The following MAPRE3 variants were observed in gnomAD, a reference collection of about 807,000 sequenced individuals.
MAPRE3 encodes microtubule-associated protein RP/EB family member 3.
Under a neutral mutation model 30.5 loss-of-function variants are expected in MAPRE3, and 2 were observed. The observed-to-expected ratio is 0.07, with a 90% CI of 0.03 to 0.21. MAPRE3 has a LOEUF of 0.21. Ranked by LOEUF, MAPRE3 falls within the 10% of genes least tolerant of loss-of-function variation. The pLI is 1.00. For synonymous variants in MAPRE3, 110 were observed against 127.7 expected (o/e 0.86, Z 0.93); for missense variants, 204 against 351.8 (o/e 0.58, Z 3.36).
chr2:27,024,257 T>C lies in MAPRE3; in HGVS notation c.429T>C (p.Asp143=). The part of the protein sequence containing the change: ...QDVAPPPNPG[D]QIFNKSKKLI... ...TAGCGCCACCTCCTAACCCAGGTGATCAGATCTTCAACAAATCCAAGAAAC... is the reference window on the plus strand; with the variant it reads ...TAGCGCCACCTCCTAACCCAGGTGACCAGATCTTCAACAAATCCAAGAAAC... The change falls in exon 4 of 7, where the codon GAT becomes GAC. Residue 143 remains aspartate, a synonymous_variant. Transcript: ENST00000233121. 1 of 1,614,140 alleles carries C rather than the reference T, an allele frequency of 6.2e-7. No individual in the cohort carries two copies. Among genetic ancestry groups the C allele is most frequent in the Non-Finnish European group, 8.5e-7 (1 of 1,179,982 alleles).
chr2:26,996,115 AATTTT>A (rs60224906), intron 1 of MAPRE3, among the ~76,000 whole-genome samples: 3,482 of 130,670 alleles, frequency 0.027, 108 homozygotes, highest in African/African-American at 0.077. Context: ...AGAAGATAGG[AATTTT>A]ATTTTATTTT....
intron 1 of MAPRE3, among the ~76,000 whole-genome samples, chr2:27,019,883 G>A (rs1409887160): frequency 6.6e-6 from 1 of 152,216 alleles, no homozygotes; most frequent in South Asian, 2.1e-4. Flanking sequence ...GGGTGGGAAC[G>A]TAAGTGGCAC....
chr2:27,025,486 C>A (rs573308306), intron 4 of MAPRE3, 97 bp from the exon 5 acceptor site: 15 of 1,290,912 alleles, frequency 1.2e-5, no homozygotes, highest in Non-Finnish European at 4.3e-6. Context: ...GCCTGCCTGT[C>A]GCATGGGCCT....
chr2:26,985,169 T>C lies in MAPRE3; in HGVS notation c.-8+14367T>C, dbSNP rs1319892688. Among the ~76,000 whole-genome samples the C allele has an allele frequency of 6.6e-6, 1 of 152,212 alleles. No homozygotes were observed. Among genetic ancestry groups the C allele is most frequent in the Non-Finnish European group, 1.5e-5 (1 of 68,034 alleles). ...TCAATATCATTTGCTTAGTACCGTT[T>C]AGGTAGATGGTGCTTCGGCCCTGAG... is the stretch of plus-strand genomic sequence containing the variant. On this transcript the variant is annotated intron_variant, in intron 1 of 6. Transcript: ENST00000233121. This position sits in a 1 kb window ranked among gnomAD's most constrained non-coding sequence, Gnocchi z 4.2.
chr2:26,996,195 C>G (rs367730619), intron 1 of MAPRE3, among the ~76,000 whole-genome samples: 1 of 149,704 alleles, frequency 6.7e-6, no homozygotes, highest in South Asian at 2.1e-4. Context: ...CTCTGTTGCC[C>G]GGGCTGGAGT....
At chr2:26,999,430 A>G (rs1430352957) in intron 1 of MAPRE3, among the ~76,000 whole-genome samples, 1 of 151,728 alleles carries the variant, frequency 6.6e-6, no homozygotes, top group Admixed American at 6.6e-5. Context: ...GGCCAAAGCA[A>G]GAGAGGCAGG....
intron 1 of MAPRE3, among the ~76,000 whole-genome samples, chr2:27,020,109 A>G (rs900775373): frequency 2.0e-5 from 3 of 152,202 alleles, no homozygotes; most frequent in African/African-American, 4.8e-5. Context: ...TGGAACAGAG[A>G]ATGAATGAAC....
At chr2:26,997,895 C>A (rs1666500904) in intron 1 of MAPRE3, among the ~76,000 whole-genome samples, 1 of 152,194 alleles carries the variant, frequency 6.6e-6, no homozygotes, top group African/African-American at 2.4e-5. Flanking sequence ...AAGAAGTCAT[C>A]TAAACATAAA....
intron 6 of MAPRE3, 75 bp downstream of exon 6, chr2:27,026,107 A>T: frequency 1.3e-6 from 2 of 1,562,932 alleles, no homozygotes; most frequent in Non-Finnish European, 1.8e-6. Context: ...TAGGGCCAGA[A>T]GGGACCGTGG....
At chr2:27,023,108 G>A (rs931189290) in intron 2 of MAPRE3, among the ~76,000 whole-genome samples, 4 of 152,222 alleles carry the variant, frequency 2.6e-5, no homozygotes, top group African/African-American at 4.8e-5. Context: ...CTACCTACAT[G>A]CAGTGTTTGG....
At chr2:26,979,952 G>T (rs770373868) in intron 1 of MAPRE3, among the ~76,000 whole-genome samples, 1 of 152,198 alleles carries the variant, frequency 6.6e-6, no homozygotes, top group Admixed American at 6.5e-5. Context: ...GGGTCAGGTT[G>T]TGGATGGAGC....
At chr2:26,995,828 T>TGTGTGTGTGTGC (rs1277678505) in intron 1 of MAPRE3, among the ~76,000 whole-genome samples, 1 of 149,358 alleles carries the variant, frequency 6.7e-6, no homozygotes, top group Admixed American at 6.7e-5. Context: ...TGTGTGTGTG[T>TGTGTGTGTGTGC]GTATGTGTGT....
intron 1 of MAPRE3, among the ~76,000 whole-genome samples, chr2:26,972,155 G>T (rs751941837): frequency 6.6e-6 from 1 of 152,096 alleles, no homozygotes; most frequent in Non-Finnish European, 1.5e-5. Context: ...AAATTTCAGT[G>T]TGCTTTTAGA....
In MAPRE3 at chr2:27,026,584, T is replaced by G. The variant is rs1183333485; in HGVS notation, c.*236T>G. ...CCTGTCCACACCCACCCTATTTATTTCCGTTGTCTCTCTGCTGTGTCGCCC... is the reference window on the plus strand; with the variant it reads ...CCTGTCCACACCCACCCTATTTATTGCCGTTGTCTCTCTGCTGTGTCGCCC... On this transcript the variant is annotated 3_prime_UTR_variant, in exon 7 of 7. Coordinates refer to ENST00000233121, the MANE Select transcript of MAPRE3 (RefSeq NM_012326.4). The G allele has an allele frequency of 4.3e-6, 2 of 470,006 alleles. No individual in the cohort carries two copies. Among genetic ancestry groups the G allele is most frequent in the Non-Finnish European group, 7.5e-6 (2 of 267,364 alleles). 29.1% of individuals were successfully genotyped at this position (470,006 alleles called of 1,614,324 possible).
At position 27,026,327 on chromosome 2, in the gene MAPRE3, A is replaced by C. The variant is rs780573850; in HGVS notation, c.825A>C (p.Gln275His). The stretch of plus-strand genomic sequence containing the variant: ...ACGATGAGATTGAAGAGCATCAACA[A>C]GAAGACCAGGACGAGTACTGAGGGC... The part of the protein sequence containing the change: ...PEDDEIEEHQ[Q>H]EDQDEY Residue 275 changes from glutamine (Q) to histidine (H), a missense_variant, in exon 7 of 7, where the codon CAA (glutamine) becomes CAC (histidine). Gln to His is a conservative substitution (Grantham distance 24). Around this residue, in one of 5 missense-constraint regions of MAPRE3, gnomAD observed 26 missense variants for 25.6 expected, o/e 1.02. Transcript: ENST00000233121. 1 of 1,614,038 alleles carries C rather than the reference A, an allele frequency of 6.2e-7. No homozygotes were observed. The highest frequency in any genetic ancestry group is 1.7e-5 in the Admixed American group (1 of 59,982).
intron 1 of MAPRE3, among the ~76,000 whole-genome samples, chr2:27,003,928 CCACTT>C (rs1427883184): frequency 6.6e-6 from 1 of 152,182 alleles, no homozygotes; most frequent in Non-Finnish European, 1.5e-5. Flanking sequence ...TGCGGATGCT[CCACTT>C]GAGTTAGCTT....
chr2:27,010,202 TACA>T (rs748249047), intron 1 of MAPRE3, among the ~76,000 whole-genome samples: 3 of 152,256 alleles, frequency 2.0e-5, no homozygotes, highest in African/African-American at 2.4e-5. Flanking sequence ...AATCAATATG[TACA>T]ACATTATTTT....
At chr2:27,023,150 A>G (rs1463383050) in intron 2 of MAPRE3, among the ~76,000 whole-genome samples, 182 bp from the exon 3 acceptor site, 6 of 152,188 alleles carry the variant, frequency 3.9e-5, no homozygotes, top group Non-Finnish European at 7.3e-5. Context: ...GCATCAATAA[A>G]TAGTCATTGC....
At chr2:26,978,751 C>T (rs1017583347) in intron 1 of MAPRE3, among the ~76,000 whole-genome samples, 13 of 152,156 alleles carry the variant, frequency 8.5e-5, no homozygotes, top group Admixed American at 7.2e-4. Flanking sequence ...GCTCTCAGCA[C>T]GTATTCTTCA....
Sources: gnomAD v4.1 joint callset for allele counts (sites outside exome capture counted in the v4.1 genomes callset) on GRCh38, gnomAD v4.1.1 for gene constraint, gnomAD v4.1.1 regional missense constraint, Gnocchi (gnomAD v3.1) non-coding constraint, MANE v1.5 for transcripts, NCBI Gene and HGNC (gene_info 2026-07-23, HGNC 2026-07-21) for gene names.